The following CHRM3 variants were observed in gnomAD, a reference collection of about 807,000 sequenced individuals.
CHRM3 encodes muscarinic acetylcholine receptor M3.
Under a neutral mutation model 41.8 loss-of-function variants are expected in CHRM3, and 11 were observed. That is an observed-to-expected ratio of 0.26 (90% CI 0.17 to 0.44). The LOEUF (loss-of-function observed/expected upper bound fraction) is 0.44. Ranked by LOEUF, CHRM3 falls within the 20% of genes least tolerant of loss-of-function variation. The pLI is 1.00. For synonymous variants in CHRM3, 297 were observed against 301.4 expected, an observed-to-expected ratio of 0.99 and a Z score of 0.15; for missense variants, 571 against 745.4, an observed-to-expected ratio of 0.77 and a Z score of 2.72.
chr1:239,828,786 A>G (rs1275009277), intron 6 of CHRM3, among the ~76,000 whole-genome samples: 1 of 152,130 alleles, frequency 6.6e-6, no homozygotes, highest in Non-Finnish European at 1.5e-5. Flanking sequence ...CCCTGTGCTA[A>G]GGAATGATGT....
chr1:239,490,769 C>T (rs1038412579), intron 1 of CHRM3, among the ~76,000 whole-genome samples: 2 of 151,900 alleles, frequency 1.3e-5, no homozygotes. Context: ...TTATTTGAGA[C>T]AGGGTCTTAC....
intron 6 of CHRM3, among the ~76,000 whole-genome samples, chr1:239,838,260 A>C (rs1377393714): frequency 6.6e-6 from 1 of 152,188 alleles, no homozygotes; most frequent in Non-Finnish European, 1.5e-5. Context: ...TGAGTCACCC[A>C]ATACCAGGCA....
At position 239,428,130 on chromosome 1, in the gene CHRM3, G is replaced by A. The variant is rs1239851067; in HGVS notation, c.-521+40903G>A. Among the ~76,000 whole-genome samples the A allele has an allele frequency of 3.3e-5, 5 of 152,248 alleles. No homozygotes were observed. In the South Asian group the frequency reaches 6.2e-4, roughly 19 times the overall value. On this transcript the variant is annotated intron_variant, in intron 1 of 6. Coordinates refer to ENST00000676153, the MANE Select transcript of CHRM3 (RefSeq NM_001375978.1). Reference sequence around the variant, plus strand: ...ACCCTGATTCTACAAGCACGTGCTCGAAAGAGAAGAGACAGGTCATTGTCA... The same window carrying A: ...ACCCTGATTCTACAAGCACGTGCTCAAAAGAGAAGAGACAGGTCATTGTCA...
intron 1 of CHRM3, among the ~76,000 whole-genome samples, chr1:239,459,387 C>T (rs1284244451): frequency 1.3e-5 from 2 of 151,872 alleles, no homozygotes; most frequent in African/African-American, 4.8e-5. Context: ...CCTATTTAAC[C>T]CTCTTAAATT....
Position 239,447,108 on chromosome 1 carries a change from C to T in CHRM3, c.-520-45601C>T, listed in dbSNP as rs556400509. On this transcript the variant is annotated intron_variant, in intron 1 of 6. Transcript: ENST00000676153. ...GGAATCTAATTCATGAGCATGTGTA[C>T]GTGCAATCAATTTCATCACCAACTC... 8.5e-5 allele frequency among the ~76,000 whole-genome samples: 13 copies of T among 152,198 alleles called. No individual in the cohort carries two copies. The East Asian group carries it at 1.7e-3, about 20-fold the overall frequency.
In CHRM3 at chr1:239,618,273, C is replaced by CTTTTTTTTTTTTTTTTTT. The variant is rs11413091; in HGVS notation, c.-312-13948_-312-13947insTTTTTTTTTTTTTTTTTT. Among the ~76,000 whole-genome samples, 2 of 113,048 alleles carry CTTTTTTTTTTTTTTTTTT rather than the reference C, an allele frequency of 1.8e-5. 1 individual carries two copies. Among genetic ancestry groups the CTTTTTTTTTTTTTTTTTT allele is most frequent in the Non-Finnish European group, 3.4e-5 (2 of 58,316 alleles). 74.2% of individuals were successfully genotyped at this position (113,048 alleles called of 152,430 possible). On this transcript the variant is annotated intron_variant, in intron 3 of 6. Transcript: ENST00000676153. ...TAGAGAGTAGGAGTACTTTTTTTTTCTTTCTTTTTTTTTTTTTTTTTTAAT... is the reference window on the plus strand; with the variant it reads ...TAGAGAGTAGGAGTACTTTTTTTTTCTTTTTTTTTTTTTTTTTTTTTCTTTTTTTTTTTTTTTTTTAAT...
intron 6 of CHRM3, among the ~76,000 whole-genome samples, chr1:239,858,376 A>G (rs1675294199): frequency 6.6e-6 from 1 of 152,208 alleles, no homozygotes; most frequent in Non-Finnish European, 1.5e-5. Context: ...GCAGAAAAGA[A>G]TAACATGAGG....
intron 3 of CHRM3, among the ~76,000 whole-genome samples, chr1:239,605,680 T>C (rs906329087): frequency 4.6e-5 from 7 of 152,200 alleles, no homozygotes; most frequent in Non-Finnish European, 8.8e-5. Context: ...TGTATAACCA[T>C]ATCATTCATT....
chr1:239,639,241 A>T (rs1405728777), intron 4 of CHRM3, among the ~76,000 whole-genome samples: 2 of 152,026 alleles, frequency 1.3e-5, no homozygotes, highest in African/African-American at 2.4e-5. Context: ...TGACTTGGTG[A>T]TGTAGGCTCT....
chr1:239,486,268 T>A (rs1248343143), intron 1 of CHRM3, among the ~76,000 whole-genome samples: 1 of 152,232 alleles, frequency 6.6e-6, no homozygotes, highest in Non-Finnish European at 1.5e-5. Flanking sequence ...TTTAGCCTAG[T>A]GTTCAAGGAT....
intron 2 of CHRM3, among the ~76,000 whole-genome samples, chr1:239,523,966 C>T (rs1669825662): frequency 6.6e-6 from 1 of 152,130 alleles, no homozygotes; most frequent in Non-Finnish European, 1.5e-5. Flanking sequence ...AAATGAAGTT[C>T]ATTAGAAAGT....
intron 1 of CHRM3, among the ~76,000 whole-genome samples, chr1:239,411,508 T>A (rs1380006389): frequency 1.3e-5 from 2 of 151,708 alleles, no homozygotes; most frequent in African/African-American, 4.8e-5. Flanking sequence ...GGGTGGATCA[T>A]GAGGTCAGGA....
In CHRM3 at chr1:239,827,359, A is replaced by G. The variant is rs200262973; in HGVS notation, c.-39A>G. On this transcript the variant is annotated 5_prime_UTR_variant, in exon 6 of 7. The change creates a new upstream start codon in the 5' untranslated region. Transcript: ENST00000676153. ...TCACTGTTTTGCATCCTTGTTACAT[A>G]ACTCAGTTCCTGGTAGATTGTAAGT... 1.8e-4 allele frequency: 28 copies of G among 152,200 alleles called. No homozygotes were observed. The highest frequency in any genetic ancestry group is 6.8e-4 in the African/African-American group (28 of 41,446). The allele number at this position is 152,200 out of a possible 1,614,324, so 9.4% of individuals were successfully genotyped here. A position where few individuals can be genotyped will look rare whatever the true frequency, so the allele number is the denominator to read the frequency against.
chr1:239,593,007 C>G (rs1013394796), intron 3 of CHRM3, among the ~76,000 whole-genome samples: 4 of 152,114 alleles, frequency 2.6e-5, no homozygotes, highest in Admixed American at 1.3e-4. Flanking sequence ...ACCTATCATC[C>G]TTTACACCTT....
rs1680462606 is a variant in CHRM3 at position 239,913,247 on chromosome 1, ACT to A, written c.*4025_*4026del. 6.0e-6 allele frequency: 1 copy of A among 167,034 alleles called. No individual in the cohort carries two copies. Among genetic ancestry groups the A allele is most frequent in the Non-Finnish European group, 1.5e-5 (1 of 68,114 alleles). 10.3% of individuals were successfully genotyped at this position (167,034 alleles called of 1,614,324 possible). On this transcript the variant is annotated 3_prime_UTR_variant, in exon 7 of 7. Coordinates refer to ENST00000676153, the MANE Select transcript of CHRM3 (RefSeq NM_001375978.1). ...CAACCCAGCACCTGAGGTCGGGCAA[ACT>A]CACAAAATAGAGTTTCTAGGTAGCA...
intron 5 of CHRM3, among the ~76,000 whole-genome samples, chr1:239,784,533 C>T (rs576552007): frequency 8.5e-5 from 13 of 152,206 alleles, no homozygotes; most frequent in African/African-American, 2.6e-4. Context: ...CAAAGTATTC[C>T]AAATTCCTCC....
intron 5 of CHRM3, among the ~76,000 whole-genome samples, chr1:239,783,071 T>TACTCTAA (rs1668625287): frequency 1.3e-5 from 2 of 152,080 alleles, no homozygotes; most frequent in Non-Finnish European, 1.5e-5. Flanking sequence ...GAAGAATGTA[T>TACTCTAA]ACTCTAATAC....
At chr1:239,513,297 A>G (rs1211183522) in intron 2 of CHRM3, among the ~76,000 whole-genome samples, 1 of 152,154 alleles carries the variant, frequency 6.6e-6, no homozygotes, top group Admixed American at 6.5e-5. Context: ...TTTCAAAATA[A>G]TATCTTTTGT....
intron 4 of CHRM3, among the ~76,000 whole-genome samples, chr1:239,657,274 C>T (rs1672799172): frequency 6.6e-6 from 1 of 152,216 alleles, no homozygotes; most frequent in African/African-American, 2.4e-5. Context: ...CTAATGCTCT[C>T]TCTACATTAC....
Sources: allele counts gnomAD v4.1 joint callset (sites outside exome capture counted in the v4.1 genomes callset), GRCh38; gene constraint gnomAD v4.1.1; transcripts MANE v1.5; gene names NCBI Gene and HGNC (gene_info 2026-07-23, HGNC 2026-07-21).